ZNF728: variants seen among roughly 807,000 people sequenced by gnomAD.
The protein encoded by ZNF728 is zinc finger protein 728.
A neutral mutation model predicts 12.5 loss-of-function variants in ZNF728; 12 were observed. The observed-to-expected ratio is 0.96, with a 90% CI of 0.61 to 1.55. The LOEUF (loss-of-function observed/expected upper bound fraction) is 1.55. Ranked by LOEUF, ZNF728 falls within the 40% of genes most tolerant of loss-of-function variation. The pLI, the probability that ZNF728 is intolerant of heterozygous loss-of-function variation, is 0.00. For missense variants in ZNF728, 692 were observed against 719.2 expected, an observed-to-expected ratio of 0.96 and a Z score of 0.43; for synonymous variants, 205 against 240.7, an observed-to-expected ratio of 0.85 and a Z score of 1.37.
intron 3 of ZNF728, among the ~76,000 whole-genome samples, chr19:22,983,383 T>A (rs541917178): frequency 2.6e-5 from 4 of 152,118 alleles, no homozygotes; most frequent in Admixed American, 1.3e-4. Context: ...TGTGGAGAAG[T>A]AGGAATGCTT....
intron 3 of ZNF728, 107 bp from the exon 4 acceptor site, chr19:22,977,217 T>A: frequency 2.9e-6 from 3 of 1,037,466 alleles, no homozygotes; most frequent in African/African-American, 1.6e-5. Context: ...GACACTGCAG[T>A]ATGACACAGG....
At chr19:22,997,200 A>G (rs2145353587) in intron 1 of ZNF728, among the ~76,000 whole-genome samples, 1 of 152,304 alleles carries the variant, frequency 6.6e-6, no homozygotes, top group Non-Finnish European at 1.5e-5. Flanking sequence ...ACCATAATAT[A>G]CATTCTTCTC....
intron 1 of ZNF728, among the ~76,000 whole-genome samples, chr19:22,996,167 AATT>A: frequency 6.6e-6 from 1 of 152,334 alleles, no homozygotes; most frequent in African/African-American, 2.4e-5. Flanking sequence ...TATTTTAAAA[AATT>A]ATCTGAACTG....
intron 1 of ZNF728, among the ~76,000 whole-genome samples, chr19:22,998,354 T>TTAA (rs1555703491): frequency 1.4e-5 from 2 of 138,086 alleles, no homozygotes; most frequent in African/African-American, 5.2e-5. Flanking sequence ...ATCCCATCTA[T>TTAA]AAAAAAAAAA....
rs748561031 is a variant in ZNF728, at chr19:22,976,933, T to C, written c.404A>G (p.Gln135Arg). Residue 135 changes from glutamine (Q) to arginine (R), a missense_variant, in exon 4 of 4, where the codon CAG (glutamine) becomes CGG (arginine). Transcript: ENST00000594710. ...TTTGCTTTGTGTAGTTGTCAAACTC[T>C]GGTTAAGCTTATTATAACCTTTTTT... ...VHKKGYNKLN[Q>R]SLTTTQSKVF... 3.7e-6 allele frequency: 6 copies of C among 1,613,572 alleles called. No individual in the cohort carries two copies. Among genetic ancestry groups the C allele is most frequent in the Non-Finnish European group, 5.1e-6 (6 of 1,179,754 alleles).
chr19:22,986,127 A>G (rs1472705794), intron 3 of ZNF728, among the ~76,000 whole-genome samples: 1 of 152,016 alleles, frequency 6.6e-6, no homozygotes, highest in African/African-American at 2.4e-5. Context: ...ATCACGCTGG[A>G]GGCCCAACAA....
At chr19:22,977,388 ACT>A (rs1968818540) in intron 3 of ZNF728, among the ~76,000 whole-genome samples, 1 of 152,036 alleles carries the variant, frequency 6.6e-6, no homozygotes, top group African/African-American at 2.4e-5. Context: ...TACCCAATCA[ACT>A]CTTTCTGCTC....
intron 3 of ZNF728, among the ~76,000 whole-genome samples, chr19:22,980,214 A>G (rs1968847907): frequency 6.6e-6 from 1 of 151,900 alleles, no homozygotes; most frequent in Admixed American, 6.6e-5. Flanking sequence ...AAAAAAAAAA[A>G]AACAGGGGTT....
chr19:22,977,323 T>C (rs1203605618), intron 3 of ZNF728, among the ~76,000 whole-genome samples: 1 of 149,738 alleles, frequency 6.7e-6, no homozygotes, highest in Non-Finnish European at 1.5e-5. Context: ...GTACAGTGTC[T>C]GAATTAAGCC....
Position 22,975,421 on chromosome 19 carries a change from T to G in ZNF728, c.*47A>C. On this transcript the variant is annotated 3_prime_UTR_variant, in exon 4 of 4. Coordinates refer to ENST00000594710, the MANE Select transcript of ZNF728 (RefSeq NM_001267716.2). ...GGTTTCCCTCCTGTATAAATACCCT[T>G]ATGTTCAGTAAGGGTTAAGAACTAA... 1 of 1,480,158 alleles carries G rather than the reference T, an allele frequency of 6.8e-7. No homozygotes were observed. Among genetic ancestry groups the G allele is most frequent in the East Asian group, 2.4e-5 (1 of 42,336 alleles). 91.7% of individuals were successfully genotyped at this position (1,480,158 alleles called of 1,614,324 possible).
chr19:22,989,240 G>A (rs938716365), intron 1 of ZNF728, among the ~76,000 whole-genome samples: 3 of 151,436 alleles, frequency 2.0e-5, no homozygotes, highest in African/African-American at 7.3e-5. Flanking sequence ...AGAACATCAG[G>A]GATAAAGTCT....
chr19:22,975,618 A>T lies in ZNF728; in HGVS notation c.1719T>A (p.Phe573Leu). The part of the protein sequence containing the change: ...PYKCEECGKA[F>L]SWVSVLNKHK... ...GTTTGTTAAGGACTGAGACCCAGCTAAAGGCTTTGCCACATTCTTCACATT... is the reference window on the plus strand; with the variant it reads ...GTTTGTTAAGGACTGAGACCCAGCTTAAGGCTTTGCCACATTCTTCACATT... Residue 573 changes from phenylalanine to leucine, a missense_variant, in exon 4 of 4, where the codon TTT (phenylalanine) becomes TTA (leucine). Physicochemically the swap from Phe to Leu is conservative, Grantham distance 22. Around this residue, in one of 3 missense-constraint regions of ZNF728, gnomAD observed 244 missense variants for 235.2 expected, o/e 1.04. Coordinates refer to ENST00000594710, the MANE Select transcript of ZNF728 (RefSeq NM_001267716.2). 1 of 1,611,264 alleles carries T rather than the reference A, an allele frequency of 6.2e-7. No individual in the cohort carries two copies. The highest frequency in any genetic ancestry group is 1.3e-5 in the African/African-American group (1 of 74,986).
At chr19:22,982,842 C>T (rs139589983) in intron 3 of ZNF728, among the ~76,000 whole-genome samples, 30 of 152,218 alleles carry the variant, frequency 2.0e-4, no homozygotes, top group African/African-American at 7.2e-4. Flanking sequence ...CTTCCTTATA[C>T]CTTATATAAA....
chr19:22,975,566 ATTTC>A lies in ZNF728; in HGVS notation c.1767_1770del (p.Lys589AsnfsTer42). On this transcript the variant is annotated frameshift_variant, in exon 4 of 4. Transcript: ENST00000594710. LOFTEE classifies it low-confidence loss of function (END_TRUNC). ...TTACCACATTCTTCACATTTGTAGA[ATTTC>A]TTTCCAGCATGAATTTTCTTATGTT... 6.3e-7 allele frequency: 1 copy of A among 1,594,032 alleles called. No individual in the cohort carries two copies. The highest frequency in any genetic ancestry group is 8.5e-7 in the Non-Finnish European group (1 of 1,171,432).
In ZNF728 at chr19:22,977,012, C is replaced by A. The variant is rs1599525950; in HGVS notation, c.325G>T (p.Glu109Ter). The change falls in exon 4 of 4, where the codon GAG becomes TAG. Residue 109 changes from glutamate (E) to a stop codon, truncating the protein, a stop_gained. Coordinates refer to ENST00000594710, the MANE Select transcript of ZNF728 (RefSeq NM_001267716.2). LOFTEE classifies it low-confidence loss of function (END_TRUNC). The part of the protein sequence containing the change: ...ILRRYEKCGH[E>*]NLQLKIGCTN... Reference sequence around the variant, plus strand: ...CAACCAATTTTTAACTGTAAATTCTCATGTCCACATTTTTCATATCTTCTC... The same window carrying A: ...CAACCAATTTTTAACTGTAAATTCTAATGTCCACATTTTTCATATCTTCTC... 4.3e-6 allele frequency: 7 copies of A among 1,613,398 alleles called. No homozygotes were observed. The Middle Eastern group carries it at 6.6e-4, about 152-fold the overall frequency.
chr19:23,002,895 G>A (rs965056183), intron 1 of ZNF728, 133 bp downstream of exon 1: 2 of 1,222,058 alleles, frequency 1.6e-6, no homozygotes, highest in African/African-American at 3.1e-5. Flanking sequence ...CTGAGGTCGA[G>A]CTAGGCAAGG....
At position 22,975,655 on chromosome 19, in the gene ZNF728, T is replaced by G; in HGVS notation, c.1682A>C (p.Glu561Ala). 6.2e-7 allele frequency: 1 copy of G among 1,612,074 alleles called. No individual in the cohort carries two copies. Among genetic ancestry groups the G allele is most frequent in the South Asian group, 1.1e-5 (1 of 91,052 alleles). The stretch of plus-strand genomic sequence containing the variant: ...ACATTCTTCACATTTGTAGGGTTTC[T>G]CTCCAGTATGAATTCTCTTATGTTC... ...LSEHKRIHTG[E>A]KPYKCEECGK... Residue 561 changes from glutamate (E) to alanine (A), a missense_variant, in exon 4 of 4, where the codon GAG becomes GCG. Glu to Ala is a moderately radical substitution (Grantham distance 107). Coordinates refer to ENST00000594710, the MANE Select transcript of ZNF728 (RefSeq NM_001267716.2).
rs762925690 is a variant in ZNF728 at position 22,988,413 on chromosome 19, A to G, written c.42T>C (p.Ser14=). The G allele has an allele frequency of 1.2e-6, 2 of 1,614,122 alleles. No homozygotes were observed. The highest frequency in any genetic ancestry group is 1.7e-6 in the Non-Finnish European group (2 of 1,179,990). ...TGTCCAGGCATTGCCACTCCTCCAG[A>G]GAGAATTGTATGGCCACATCCCGAA... ...LTFRDVAIQF[S]LEEWQCLDTA... is the part of the protein sequence containing the mutation. The change falls in exon 2 of 4, where the codon TCT becomes TCC. Residue 14 remains serine, a synonymous_variant. Transcript: ENST00000594710.
In ZNF728 at chr19:22,976,906, ACTTTG is replaced by A. The variant is rs1348659847; in HGVS notation, c.426_430del (p.Lys143IlefsTer12). 6.2e-7 allele frequency: 1 copy of A among 1,613,506 alleles called. No individual in the cohort carries two copies. Among genetic ancestry groups the A allele is most frequent in the Non-Finnish European group, 8.5e-7 (1 of 1,179,734 alleles). ...GTTTGCATATTTGCCACATTGAAAT[ACTTTG>A]CTTTGTGTAGTTGTCAAACTCTGGT... On this transcript the variant is annotated frameshift_variant, in exon 4 of 4. Transcript: ENST00000594710. LOFTEE classifies it low-confidence loss of function (END_TRUNC).
Sources: allele counts gnomAD v4.1 joint callset (sites outside exome capture counted in the v4.1 genomes callset), GRCh38; gene constraint gnomAD v4.1.1; regional missense constraint gnomAD v4.1.1; transcripts MANE v1.5; gene names NCBI Gene and HGNC (gene_info 2026-07-23, HGNC 2026-07-21).